LPAR6: variants seen among roughly 807,000 people sequenced by gnomAD.
LPAR6 encodes the protein G-protein coupled purinergic receptor P2Y5.
A neutral mutation model predicts 22.0 loss-of-function variants in LPAR6; 17 were observed. The observed-to-expected ratio is 0.77, with a 90% CI of 0.53 to 1.16. LPAR6 has a LOEUF of 1.16. LPAR6 is among the 50% of genes most tolerant of loss of function. LPAR6 has a pLI of 0.00. For missense variants in LPAR6, 384 were observed against 406.9 expected (o/e 0.94, Z 0.48); for synonymous variants, 136 against 139.8 (o/e 0.97, Z 0.19).
In LPAR6 at chr13:48,412,287, A is replaced by C. The variant is rs550320758; in HGVS notation, c.137T>G (p.Leu46Arg). Residue 46 changes from leucine to arginine, a missense_variant, in exon 1 of 1, where the codon CTC becomes CGC. Coordinates refer to ENST00000620633, the MANE Select transcript of LPAR6 (RefSeq NM_001162498.3). Reference sequence around the variant, plus strand: ...AGTTGTAGTTTCATTTCGGACTTTGAGGACGCAGATGAAAATGTATATGGC... The same window carrying C: ...AGTTGTAGTTTCATTTCGGACTTTGCGGACGCAGATGAAAATGTATATGGC... ...CVAIYIFICV[L>R]KVRNETTTYM... 1 of 1,613,974 alleles carries C rather than the reference A, an allele frequency of 6.2e-7. No homozygotes were observed. The highest frequency in any genetic ancestry group is 8.5e-7 in the Non-Finnish European group (1 of 1,179,862).
At chr13:48,396,257 C>G (rs535936086) in intron 1 of LPAR6, among the ~76,000 whole-genome samples, 1 of 152,144 alleles carries the variant, frequency 6.6e-6, no homozygotes, top group South Asian at 2.1e-4. Context: ...TACTACAAGG[C>G]CACAATAATC....
intron 1 of LPAR6, among the ~76,000 whole-genome samples, chr13:48,433,681 C>A (rs1156481940): frequency 6.7e-5 from 2 of 30,040 alleles, no homozygotes; most frequent in Non-Finnish European, 3.2e-4. Context: ...AACAAAAATG[C>A]ATTTTTTTTT....
At chr13:48,444,407 C>T (rs1334897109) in intron 1 of LPAR6, 1 of 152,300 alleles carries the variant, frequency 6.6e-6, no homozygotes, top group Non-Finnish European at 1.5e-5. Context: ...GTCCCAGCTA[C>T]TCCAGAGGCT....
upstream of LPAR6, among the ~76,000 whole-genome samples, chr13:48,430,768 A>ACT (rs200760336): frequency 9.2e-6 from 1 of 108,710 alleles, no homozygotes; most frequent in African/African-American, 3.0e-5. Context: ...AAACAAACAA[A>ACT]AAAAAAAAAC....
intron 1 of LPAR6, among the ~76,000 whole-genome samples, chr13:48,441,663 A>G (rs1394343081): frequency 6.6e-6 from 1 of 152,190 alleles, no homozygotes; most frequent in Non-Finnish European, 1.5e-5. Context: ...AAATAAAACT[A>G]TACTGTGTTT....
intron 1 of LPAR6, among the ~76,000 whole-genome samples, chr13:48,393,551 C>A (rs1275883274): frequency 6.6e-6 from 1 of 152,080 alleles, no homozygotes; most frequent in Non-Finnish European, 1.5e-5. Context: ...GAATCTGGTC[C>A]CTGTTTCTTC....
intron 1 of LPAR6, among the ~76,000 whole-genome samples, chr13:48,442,212 T>C (rs575608986): frequency 1.3e-5 from 2 of 152,094 alleles, no homozygotes; most frequent in Non-Finnish European, 1.5e-5. Context: ...TTTTATTTTT[T>C]TTTTTTGAAA....
intron 1 of LPAR6, among the ~76,000 whole-genome samples, chr13:48,393,066 A>C (rs1410055621): frequency 1.3e-5 from 2 of 152,142 alleles, no homozygotes; most frequent in Non-Finnish European, 2.9e-5. Flanking sequence ...TATCCCATAT[A>C]TGACAAGGTT....
chr13:48,416,169 C>T (rs1202088307), upstream of LPAR6: 1 of 152,194 alleles, frequency 6.6e-6, no homozygotes, highest in Non-Finnish European at 1.5e-5. Context: ...CAGCTGGAGT[C>T]TGCAGCTCCC....
chr13:48,422,675 G>A (rs968912055), exon 2 of LPAR6: 1 of 151,950 alleles, frequency 6.6e-6, no homozygotes, highest in African/African-American at 2.4e-5. Context: ...TCAACCTGTG[G>A]TCCCAGCTGG....
chr13:48,443,993 G>T (rs1476089935), intron 1 of LPAR6, among the ~76,000 whole-genome samples: 1 of 151,952 alleles, frequency 6.6e-6, no homozygotes, highest in Non-Finnish European at 1.5e-5. Context: ...AAATGTGTGG[G>T]TTTTTTTCCC....
intron 2 of LPAR6, among the ~76,000 whole-genome samples, chr13:48,420,233 T>C (rs1948984617): frequency 6.6e-6 from 1 of 152,156 alleles, no homozygotes; most frequent in South Asian, 2.1e-4. Flanking sequence ...TGGTTCAACA[T>C]ATGCAAATCA....
At chr13:48,393,600 A>C (rs1593464109) in intron 1 of LPAR6, among the ~76,000 whole-genome samples, 1 of 152,314 alleles carries the variant, frequency 6.6e-6, no homozygotes, top group South Asian at 2.1e-4. Flanking sequence ...AGGCTTAGTG[A>C]TTGATGAAGT....
chr13:48,409,590 T>G (rs1412478478), downstream of LPAR6, among the ~76,000 whole-genome samples: 1 of 132,344 alleles, frequency 7.6e-6, no homozygotes. Flanking sequence ...TTTTTTTTTT[T>G]TTTTTTTTTG....
At chr13:48,406,264 T>C (rs1566208464), downstream of LPAR6, among the ~76,000 whole-genome samples, 1 of 152,138 alleles carries the variant, frequency 6.6e-6, no homozygotes, top group East Asian at 1.9e-4. Context: ...GTACTATTTT[T>C]CATTCCCACC....
intron 1 of LPAR6, chr13:48,401,295 T>G (rs1392641064): frequency 6.6e-6 from 1 of 152,164 alleles, no homozygotes; most frequent in Non-Finnish European, 1.5e-5. Context: ...TTTGTAAACT[T>G]ACAGTCAAAT....
At chr13:48,414,426 AT>A (rs1320981852), upstream of LPAR6, among the ~76,000 whole-genome samples, 3 of 152,050 alleles carry the variant, frequency 2.0e-5, no homozygotes, top group Non-Finnish European at 4.4e-5. Flanking sequence ...GGGTACTTAA[AT>A]GTAGGTGTTA....
At position 48,412,114 on chromosome 13, in the gene LPAR6, T is replaced by C; in HGVS notation, c.310A>G (p.Ile104Val). ...MLFYTNMYGS[I>V]LFLTCISVDR... ...ACACTAATACAGGTTAAGAACAGAA[T>C]GCTTCCGTACATGTTGGTATAAAAC... Residue 104 changes from isoleucine (I) to valine (V), a missense_variant, in exon 1 of 1, where the codon ATT (isoleucine) becomes GTT (valine). Ile to Val is a conservative substitution (Grantham distance 29). Transcript: ENST00000620633. The C allele has an allele frequency of 6.2e-7, 1 of 1,613,602 alleles. No individual in the cohort carries two copies.
intron 1 of LPAR6, among the ~76,000 whole-genome samples, chr13:48,403,735 T>G (rs1318153254): frequency 2.0e-5 from 3 of 152,172 alleles, no homozygotes; most frequent in Admixed American, 2.0e-4. Flanking sequence ...AGAATTTGTA[T>G]TTCTGATATG....
Sources: gnomAD v4.1 joint callset for allele counts (sites outside exome capture counted in the v4.1 genomes callset) on GRCh38, gnomAD v4.1.1 for gene constraint, MANE v1.5 for transcripts, NCBI Gene and HGNC (gene_info 2026-07-23, HGNC 2026-07-21) for gene names.